Variants in ITGBL1 observed in about 807,000 individuals in gnomAD.
The protein encoded by ITGBL1 is integrin beta-like protein 1.
Under a neutral mutation model 68.5 loss-of-function variants are expected in ITGBL1, and 51 were observed. That is an observed-to-expected ratio of 0.74 (90% CI 0.59 to 0.94). The LOEUF (loss-of-function observed/expected upper bound fraction) is 0.94. Among genes scored for constraint, ITGBL1 ranks in the 40% least tolerant of loss-of-function variants. ITGBL1 has a pLI of 0.00. For synonymous variants in ITGBL1, 209 were observed against 227.3 expected, an observed-to-expected ratio of 0.92 and a Z score of 0.72; for missense variants, 649 against 647.4, an observed-to-expected ratio of 1.00 and a Z score of -0.03.
chr13:101,719,495 C>T (rs1170373913), downstream of ITGBL1: 2 of 152,084 alleles, frequency 1.3e-5, no homozygotes, highest in Non-Finnish European at 2.9e-5. Flanking sequence ...TTGCTCTTTA[C>T]ATAGGGTGGA....
rs12874018 is a variant in ITGBL1, at chr13:101,481,148, A to G, written c.316+27048A>G. 7.2e-4 allele frequency among the ~76,000 whole-genome samples: 76 copies of G among 106,246 alleles called. 1 individual carries two copies. Among genetic ancestry groups the G allele is most frequent in the South Asian group, 5.1e-3 (15 of 2,928 alleles). The allele number at this position is 106,246 out of a possible 152,430, so 69.7% of individuals were successfully genotyped here. On this transcript the variant is annotated intron_variant, in intron 2 of 10. Transcript: ENST00000376180. The stretch of plus-strand genomic sequence containing the variant: ...TATACACATGTGCATATATATATGT[A>G]TATATATATATATGAGAGAGAGCAT...
intron 2 of ITGBL1, among the ~76,000 whole-genome samples, chr13:101,558,940 T>G (rs1001500332): frequency 1.3e-5 from 2 of 152,156 alleles, no homozygotes; most frequent in African/African-American, 4.8e-5. Context: ...TATATAACTT[T>G]CATGAATTTG....
chr13:101,567,953 T>C, intron 3 of ITGBL1, 108 bp downstream of exon 3: 1 of 834,528 alleles, frequency 1.2e-6, no homozygotes, highest in Non-Finnish European at 1.8e-6. Context: ...AGTCTGCTTT[T>C]GAGTATGTTT....
At chr13:101,670,797 T>C (rs894536232) in intron 7 of ITGBL1, among the ~76,000 whole-genome samples, 3 of 152,216 alleles carry the variant, frequency 2.0e-5, no homozygotes, top group Non-Finnish European at 2.9e-5. Context: ...GGTTGTCTGG[T>C]AAGCATTGTC....
At chr13:101,693,757 CA>C (rs1189733738) in intron 8 of ITGBL1, among the ~76,000 whole-genome samples, 2 of 151,900 alleles carry the variant, frequency 1.3e-5, no homozygotes, top group African/African-American at 2.4e-5. Context: ...TGAAACCTGA[CA>C]AAAAAATACT....
intron 7 of ITGBL1, among the ~76,000 whole-genome samples, chr13:101,655,394 A>C (rs913673460): frequency 7.5e-5 from 3 of 40,012 alleles, no homozygotes; most frequent in African/African-American, 1.8e-4. Flanking sequence ...AAATTTAGTC[A>C]AATTTATGCA....
At chr13:101,708,411 T>C (rs1417211091) in intron 9 of ITGBL1, among the ~76,000 whole-genome samples, 1 of 152,104 alleles carries the variant, frequency 6.6e-6, no homozygotes, top group African/African-American at 2.4e-5. Context: ...TGAAGCTTCA[T>C]TTACCCTCAA....
At chr13:101,496,699 T>C (rs2139073994) in intron 2 of ITGBL1, among the ~76,000 whole-genome samples, 1 of 152,270 alleles carries the variant, frequency 6.6e-6, no homozygotes, top group South Asian at 2.1e-4. Flanking sequence ...ATTATAGCGG[T>C]AATCACAAAT....
chr13:101,699,117 C>A (rs185077879), intron 8 of ITGBL1, among the ~76,000 whole-genome samples: 2 of 152,280 alleles, frequency 1.3e-5, no homozygotes, highest in East Asian at 1.9e-4. Flanking sequence ...TCAGACTAAC[C>A]CTTTCTTAAC....
At chr13:101,719,470 A>G (rs1452534579), downstream of ITGBL1, 1 of 152,106 alleles carries the variant, frequency 6.6e-6, no homozygotes, top group East Asian at 1.9e-4. Context: ...TAATGAAATG[A>G]TGTTCAGTTC....
intron 7 of ITGBL1, among the ~76,000 whole-genome samples, chr13:101,625,395 A>G (rs914333173): frequency 1.3e-5 from 2 of 152,214 alleles, no homozygotes; most frequent in African/African-American, 4.8e-5. Flanking sequence ...TCAGCCGGCC[A>G]GGAACAAATC....
At chr13:101,634,917 GAT>G (rs1170544628) in intron 7 of ITGBL1, among the ~76,000 whole-genome samples, 2 of 150,762 alleles carry the variant, frequency 1.3e-5, no homozygotes, top group Non-Finnish European at 3.0e-5. Flanking sequence ...AAGAAGCATA[GAT>G]ATACTTTCAA....
chr13:101,528,955 G>A (rs921324124), intron 2 of ITGBL1, among the ~76,000 whole-genome samples: 1 of 151,718 alleles, frequency 6.6e-6, no homozygotes, highest in African/African-American at 2.4e-5. Flanking sequence ...CTAGCTAAAT[G>A]ACATTAAGAA....
chr13:101,617,621 TAC>T (rs1365570695), intron 7 of ITGBL1, among the ~76,000 whole-genome samples: 13 of 152,192 alleles, frequency 8.5e-5, no homozygotes, highest in East Asian at 1.9e-4. Context: ...TATATAAAAA[TAC>T]AGTCTTTTAT....
rs1429714302 is a variant in ITGBL1 at position 101,502,068 on chromosome 13, C to G, written c.316+47968C>G. Among the ~76,000 whole-genome samples the G allele has an allele frequency of 2.6e-5, 4 of 152,002 alleles. No individual in the cohort carries two copies. The East Asian group carries it at 7.8e-4, about 29-fold the overall frequency. ...AAAAAATAAGAATGTGTATTGGCCC[C>G]CAAGCAGACACCCTAATTTAGGGAT... On this transcript the variant is annotated intron_variant, in intron 2 of 10. Coordinates refer to ENST00000376180, the MANE Select transcript of ITGBL1 (RefSeq NM_004791.3).
At chr13:101,525,894 A>G (rs192591962) in intron 2 of ITGBL1, among the ~76,000 whole-genome samples, 18 of 151,478 alleles carry the variant, frequency 1.2e-4, no homozygotes, top group Non-Finnish European at 1.9e-4. Context: ...GTACCTCAAG[A>G]CTCTCTTCTC....
chr13:101,524,164 T>G (rs1237527059), intron 2 of ITGBL1, among the ~76,000 whole-genome samples: 2 of 151,298 alleles, frequency 1.3e-5, no homozygotes, highest in Non-Finnish European at 2.9e-5. Context: ...TCCTCTATAC[T>G]GCAAGTTAAA....
chr13:101,604,995 T>C (rs1353356010), intron 7 of ITGBL1, among the ~76,000 whole-genome samples: 6 of 133,788 alleles, frequency 4.5e-5, no homozygotes, highest in African/African-American at 1.6e-4. Flanking sequence ...TGTGTATATG[T>C]ATATATACAT....
intron 7 of ITGBL1, among the ~76,000 whole-genome samples, chr13:101,673,771 G>A (rs1345902578): frequency 6.6e-6 from 1 of 152,194 alleles, no homozygotes; most frequent in Non-Finnish European, 1.5e-5. Context: ...GTTTTGAGAT[G>A]ATAACCCTTG....
Sources: gnomAD v4.1 joint callset for allele counts (sites outside exome capture counted in the v4.1 genomes callset) on GRCh38, gnomAD v4.1.1 for gene constraint, MANE v1.5 for transcripts, NCBI Gene and HGNC (gene_info 2026-07-23, HGNC 2026-07-21) for gene names.